MTMR10: variants seen among roughly 807,000 people sequenced by gnomAD.
The protein encoded by MTMR10 is myotubularin-related protein 10.
In MTMR10, 56 loss-of-function variants were observed where a neutral mutation model predicts 88.1. The observed-to-expected ratio is 0.64, with a 90% confidence interval of 0.51 to 0.79. MTMR10 has a LOEUF of 0.79. Ranked by LOEUF, MTMR10 falls within the 30% of genes least tolerant of loss-of-function variation. The pLI, the probability that MTMR10 is intolerant of heterozygous loss-of-function variation, is 0.00. For synonymous variants in MTMR10, 380 were observed against 340.9 expected (o/e 1.11, Z -1.26); for missense variants, 883 against 924.7 (o/e 0.95, Z 0.58).
At chr15:30,959,842 G>T (rs542178211) in intron 7 of MTMR10, among the ~76,000 whole-genome samples, 1 of 152,124 alleles carries the variant, frequency 6.6e-6, no homozygotes, top group Admixed American at 6.6e-5. Context: ...TTATGTGCGT[G>T]AACTAATGAG....
At chr15:30,988,373 G>A (rs558423207) in intron 2 of MTMR10, among the ~76,000 whole-genome samples, 2 of 152,344 alleles carry the variant, frequency 1.3e-5, no homozygotes, top group South Asian at 2.1e-4. Context: ...GAGCCGTCAT[G>A]TATGCATGTA....
chr15:30,943,958 C>T (rs1002924757), intron 14 of MTMR10: 6 of 985,264 alleles, frequency 6.1e-6, no homozygotes, highest in Admixed American at 1.2e-4. Flanking sequence ...CACAAAGTCG[C>T]TGGATGATGG....
intron 9 of MTMR10, 46 bp from the exon 10 acceptor site, chr15:30,954,939 A>G (rs2063301023): frequency 6.7e-7 from 1 of 1,482,336 alleles, no homozygotes; most frequent in Non-Finnish European, 9.1e-7. Flanking sequence ...TCATTTCAGC[A>G]TATATTTATT....
chr15:30,949,739 G>GTT (rs2063217410), intron 12 of MTMR10: 1 of 152,136 alleles, frequency 6.6e-6, no homozygotes, highest in East Asian at 1.9e-4. Flanking sequence ...ACAGGTAAAT[G>GTT]GGTAAGCAAA....
rs1566939442 is a variant in MTMR10 at position 30,939,505 on chromosome 15, T to A, written c.*1965A>T. 1 of 983,056 alleles carries A rather than the reference T, an allele frequency of 1.0e-6. No individual in the cohort carries two copies. The highest frequency in any genetic ancestry group is 1.2e-6 in the Non-Finnish European group (1 of 827,766). 60.9% of individuals were successfully genotyped at this position (983,056 alleles called of 1,614,324 possible). A position where few individuals can be genotyped will look rare whatever the true frequency, so the allele number is the denominator to read the frequency against. On this transcript the variant is annotated 3_prime_UTR_variant, in exon 16 of 16. Transcript: ENST00000435680. ...TTATGCACAATAAACTGTAGCACAA[T>A]AATCATGATATAACAACTGTCCAGC...
intron 4 of MTMR10, 112 bp downstream of exon 4, chr15:30,974,819 A>G (rs1471573674): frequency 1.3e-6 from 1 of 757,838 alleles, no homozygotes; most frequent in African/African-American, 1.8e-5. Context: ...AAACGGCAAA[A>G]GTAAACTTAC....
rs1280564779 is a variant in MTMR10 at position 30,940,488 on chromosome 15, A to ATTAG, written c.*978_*981dup. 5.3e-5 allele frequency: 52 copies of ATTAG among 985,244 alleles called. No individual in the cohort carries two copies. In the Admixed American group the frequency reaches 9.8e-4, roughly 19 times the overall value. The allele number at this position is 985,244 out of a possible 1,614,324, so 61.0% of individuals were successfully genotyped here. A position where few individuals can be genotyped will look rare whatever the true frequency, so the allele number is the denominator to read the frequency against. On this transcript the variant is annotated 3_prime_UTR_variant, in exon 16 of 16. Transcript: ENST00000435680. ...GTGCAGGTGCCCAACTCGTAACCTC[A>ATTAG]TTAGTTATTTCCAGGGGGAAGTGCC...
intron 5 of MTMR10, among the ~76,000 whole-genome samples, chr15:30,972,342 T>A (rs1396042674): frequency 6.6e-6 from 1 of 152,124 alleles, no homozygotes; most frequent in African/African-American, 2.4e-5. Flanking sequence ...CCAAAAAAAC[T>A]ATTTATATTC....
At chr15:30,931,213 T>G in the MTMR10 span, among the ~76,000 whole-genome samples, 1 of 152,122 alleles carries the variant, frequency 6.6e-6, no homozygotes, top group Non-Finnish European at 1.5e-5. Context: ...AAAAAATTTT[T>G]TAAAAAGCTC....
chr15:30,953,729 C>G, intron 10 of MTMR10, 98 bp from the exon 11 acceptor site: 1 of 759,786 alleles, frequency 1.3e-6, no homozygotes, highest in South Asian at 2.1e-5. Context: ...TAAAAGTTAG[C>G]TTTAAGTAAA....
chr15:30,950,293 C>T (rs1390028782), intron 12 of MTMR10: 1 of 152,158 alleles, frequency 6.6e-6, no homozygotes, highest in Non-Finnish European at 1.5e-5. Context: ...TTATATGACA[C>T]ATTACTATTT....
At chr15:30,967,897 A>G (rs2063491028) in intron 6 of MTMR10, 23 bp downstream of exon 6, 1 of 1,506,956 alleles carries the variant, frequency 6.6e-7, no homozygotes, top group Non-Finnish European at 9.0e-7. Flanking sequence ...ATTAGTCACA[A>G]TATTTAATAT....
At chr15:30,927,116 G>A in the MTMR10 span, 4 of 919,784 alleles carry the variant, frequency 4.3e-6, no homozygotes, top group Admixed American at 2.5e-4. Context: ...GACGGAGGTG[G>A]GAGGATCTCT....
chr15:30,974,847 C>G (rs181128820), intron 4 of MTMR10, 84 bp downstream of exon 4: 2 of 978,402 alleles, frequency 2.0e-6, no homozygotes, highest in Non-Finnish European at 2.8e-6. Flanking sequence ...AAACGCCAAT[C>G]CAAGTATTTT....
chr15:30,925,047 G>T, the MTMR10 span: 1 of 1,435,968 alleles, frequency 7.0e-7, no homozygotes, highest in Non-Finnish European at 9.5e-7. Context: ...ATAAACAGTG[G>T]GCTTTTCTGT....
chr15:30,965,837 C>T, intron 6 of MTMR10: 1 of 325,844 alleles, frequency 3.1e-6, no homozygotes, highest in Non-Finnish European at 6.1e-6. Flanking sequence ...GCTCCTCCAA[C>T]TTTGGATCTT....
intron 6 of MTMR10, among the ~76,000 whole-genome samples, chr15:30,965,085 C>A (rs551589107): frequency 6.6e-6 from 1 of 152,272 alleles, no homozygotes; most frequent in Admixed American, 6.5e-5. Flanking sequence ...TGTGCTGGAG[C>A]CAACATGGCT....
At chr15:30,929,257 C>G in the MTMR10 span, 1 of 1,613,712 alleles carries the variant, frequency 6.2e-7, no homozygotes, top group Non-Finnish European at 8.5e-7. Context: ...ACGCCCAGCC[C>G]TTGAGGCCAG....
At chr15:30,929,804 A>C in the MTMR10 span, among the ~76,000 whole-genome samples, 30 of 74,548 alleles carry the variant, frequency 4.0e-4, 5 homozygotes, top group African/African-American at 2.1e-3. Context: ...TATAATATAT[A>C]AAATATATAA....
Sources: allele counts gnomAD v4.1 joint callset (sites outside exome capture counted in the v4.1 genomes callset), GRCh38; gene constraint gnomAD v4.1.1; transcripts MANE v1.5; gene names NCBI Gene and HGNC (gene_info 2026-07-23, HGNC 2026-07-21).